The following MEIS1 variants were observed in gnomAD, a reference collection of about 807,000 sequenced individuals.
MEIS1 encodes homeobox protein Meis1.
MEIS1 carries 5 observed loss-of-function variants against 50.8 expected under a neutral mutation model. The ratio of observed to expected loss-of-function variants is 0.10; its 90% confidence interval spans 0.05 to 0.21. The LOEUF (loss-of-function observed/expected upper bound fraction) is 0.21, where lower values mean the gene tolerates loss of function less well. Ranked by LOEUF, MEIS1 falls within the 10% of genes least tolerant of loss-of-function variation. The probability of loss-of-function intolerance (pLI) is 1.00; values close to 1 mark genes in which losing one functional copy is unlikely to be tolerated. For synonymous variants in MEIS1, 176 were observed against 179.3 expected (o/e 0.98, Z 0.15); for missense variants, 318 against 517.3 (o/e 0.61, Z 3.74).
chr2:66,552,458 A>T (rs528204971), intron 9 of MEIS1, among the ~76,000 whole-genome samples: 1 of 152,318 alleles, frequency 6.6e-6, no homozygotes, highest in South Asian at 2.1e-4. Flanking sequence ...ATTCTCCATC[A>T]AGAGAGCATA....
intron 8 of MEIS1, among the ~76,000 whole-genome samples, chr2:66,522,366 G>A (rs2103875263): frequency 2.0e-5 from 3 of 152,314 alleles, no homozygotes; most frequent in Middle Eastern, 6.8e-3. Flanking sequence ...TTTTAGATAA[G>A]CCCCTTTGCT....
intron 7 of MEIS1, among the ~76,000 whole-genome samples, chr2:66,487,099 C>G (rs1383084668): frequency 6.6e-6 from 1 of 152,122 alleles, no homozygotes; most frequent in African/African-American, 2.4e-5. Context: ...TTTCTCTTGC[C>G]TGATTGTCCT....
At chr2:66,458,582 A>G (rs1441221173) in intron 6 of MEIS1, among the ~76,000 whole-genome samples, 1 of 152,170 alleles carries the variant, frequency 6.6e-6, no homozygotes, top group Non-Finnish European at 1.5e-5. Flanking sequence ...TACATATGTT[A>G]TGTCTGCAAG....
At chr2:66,475,516 C>G (rs887469791) in intron 7 of MEIS1, among the ~76,000 whole-genome samples, 1 of 151,650 alleles carries the variant, frequency 6.6e-6, no homozygotes, top group Non-Finnish European at 1.5e-5. Flanking sequence ...TAGTACCAAG[C>G]AATATAAATT....
chr2:66,552,508 G>A (rs969688747), intron 9 of MEIS1, among the ~76,000 whole-genome samples: 4 of 152,140 alleles, frequency 2.6e-5, no homozygotes, highest in Non-Finnish European at 5.9e-5. Flanking sequence ...AGATGACACT[G>A]TTCAGAACTA....
chr2:66,535,703 CG>C, intron 8 of MEIS1, among the ~76,000 whole-genome samples: 1 of 152,028 alleles, frequency 6.6e-6, no homozygotes, highest in East Asian at 1.9e-4. Context: ...TAAATGCTTT[CG>C]GGAGTTGGAA....
At chr2:66,467,866 C>A (rs1672674940) in intron 7 of MEIS1, among the ~76,000 whole-genome samples, 1 of 152,130 alleles carries the variant, frequency 6.6e-6, no homozygotes, top group African/African-American at 2.4e-5. Context: ...AGAGGGAGGG[C>A]CTCACATCTG....
chr2:66,524,329 A>T (rs1013972789), intron 8 of MEIS1, among the ~76,000 whole-genome samples: 3 of 152,026 alleles, frequency 2.0e-5, no homozygotes, highest in Non-Finnish European at 4.4e-5. Context: ...TGGGAGGCTG[A>T]GGAAGGAAGA....
chr2:66,436,710 G>T (rs2103668828), intron 1 of MEIS1, among the ~76,000 whole-genome samples: 1 of 152,228 alleles, frequency 6.6e-6, no homozygotes, highest in Non-Finnish European at 1.5e-5. Context: ...CACACCTCTG[G>T]CTTTAAGGAG....
chr2:66,512,793 G>A (rs1413124007), intron 8 of MEIS1, among the ~76,000 whole-genome samples: 4 of 152,172 alleles, frequency 2.6e-5, no homozygotes. Flanking sequence ...AAACATTCAT[G>A]TAAGTCAGAG....
chr2:66,487,535 A>G (rs1005538344), intron 7 of MEIS1, among the ~76,000 whole-genome samples: 1 of 152,254 alleles, frequency 6.6e-6, no homozygotes, highest in Non-Finnish European at 1.5e-5. Context: ...AAACATTTGC[A>G]TTCAGAATAC....
At position 66,480,603 on chromosome 2, in the gene MEIS1, A is replaced by C. The variant is rs548069240; in HGVS notation, c.742+16383A>C. On this transcript the variant is annotated intron_variant, in intron 7 of 12. Coordinates refer to ENST00000272369, the MANE Select transcript of MEIS1 (RefSeq NM_002398.3). The stretch of plus-strand genomic sequence containing the variant: ...TTTTTGTCTGTTTTTCAAAGTGCAA[A>C]TTTCCTCCTGAAGATAGACAAGTCT... 3.3e-5 allele frequency among the ~76,000 whole-genome samples: 5 copies of C among 151,748 alleles called. No individual in the cohort carries two copies. In the South Asian group the frequency reaches 1.0e-3, roughly 31 times the overall value.
At chr2:66,518,864 A>G (rs1674037743) in intron 8 of MEIS1, among the ~76,000 whole-genome samples, 1 of 152,220 alleles carries the variant, frequency 6.6e-6, no homozygotes, top group Non-Finnish European at 1.5e-5. Flanking sequence ...GATTTATTTT[A>G]TAAAAGATTC....
At chr2:66,512,802 A>C (rs773251837) in intron 8 of MEIS1, among the ~76,000 whole-genome samples, 25 of 152,210 alleles carry the variant, frequency 1.6e-4, no homozygotes, top group Non-Finnish European at 2.4e-4. Flanking sequence ...TGTAAGTCAG[A>C]GCTCCACAGT....
intron 7 of MEIS1, among the ~76,000 whole-genome samples, chr2:66,491,627 T>G (rs943475205): frequency 2.0e-5 from 3 of 152,212 alleles, no homozygotes; most frequent in African/African-American, 4.8e-5. Context: ...GGGTCTGTTT[T>G]GCATTTAAAA....
intron 8 of MEIS1, among the ~76,000 whole-genome samples, chr2:66,524,591 A>T (rs1004359928): frequency 2.2e-4 from 34 of 151,478 alleles, no homozygotes; most frequent in South Asian, 6.3e-4. Context: ...TTAAAAAATT[A>T]AAAAAAAAGG....
chr2:66,516,966 G>A (rs1386802592), intron 8 of MEIS1, among the ~76,000 whole-genome samples: 1 of 152,190 alleles, frequency 6.6e-6, no homozygotes. Context: ...AATCCATTCT[G>A]TTGATCAAAG....
intron 5 of MEIS1, 180 bp downstream of exon 5, chr2:66,441,644 C>G: frequency 1.8e-6 from 1 of 565,962 alleles, no homozygotes; most frequent in Non-Finnish European, 3.0e-6. Context: ...ATTACAATTT[C>G]AGCCACTAAA....
intron 9 of MEIS1, among the ~76,000 whole-genome samples, chr2:66,550,829 C>G (rs931669037): frequency 3.8e-4 from 58 of 152,050 alleles, no homozygotes; most frequent in Non-Finnish European, 7.4e-5. Context: ...TGTTTTTCAT[C>G]TTAGCTATAC....
Sources: allele counts gnomAD v4.1 joint callset (sites outside exome capture counted in the v4.1 genomes callset), GRCh38; gene constraint gnomAD v4.1.1; transcripts MANE v1.5; gene names NCBI Gene and HGNC (gene_info 2026-07-23, HGNC 2026-07-21).